Variants in GRID2 observed in about 807,000 individuals in gnomAD.
The protein encoded by GRID2 is glutamate receptor ionotropic, delta-2.
A neutral mutation model predicts 114.8 loss-of-function variants in GRID2; 33 were observed. The ratio of observed to expected loss-of-function variants is 0.29; its 90% confidence interval spans 0.22 to 0.38. GRID2 has a LOEUF of 0.38. Among genes scored for constraint, GRID2 ranks in the 10% least tolerant of loss-of-function variants. The pLI is 1.00. For missense variants in GRID2, 1,184 were observed against 1,257.7 expected, an observed-to-expected ratio of 0.94 and a Z score of 0.89; for synonymous variants, 505 against 449.9, an observed-to-expected ratio of 1.12 and a Z score of -1.55.
intron 2 of GRID2, among the ~76,000 whole-genome samples, chr4:92,982,500 C>A (rs944077043): frequency 1.3e-5 from 2 of 152,034 alleles, no homozygotes; most frequent in Non-Finnish European, 2.9e-5. Flanking sequence ...ATTCTTCACA[C>A]TTCCCATTTT....
intron 4 of GRID2, among the ~76,000 whole-genome samples, chr4:93,200,004 AT>A (rs546296031): frequency 6.6e-6 from 1 of 152,058 alleles, no homozygotes; most frequent in African/African-American, 2.4e-5. Context: ...TAATAATTGC[AT>A]TTTTTTGGTT....
At chr4:92,420,494 G>T (rs1731848687) in intron 1 of GRID2, among the ~76,000 whole-genome samples, 1 of 152,042 alleles carries the variant, frequency 6.6e-6, no homozygotes, top group Non-Finnish European at 1.5e-5. Context: ...ACATGCTTGT[G>T]TTATAAGACA....
At chr4:92,790,152 A>T (rs1200838910) in intron 2 of GRID2, among the ~76,000 whole-genome samples, 1 of 151,828 alleles carries the variant, frequency 6.6e-6, no homozygotes, top group Non-Finnish European at 1.5e-5. Context: ...ATAGTTATAC[A>T]TATAAGTATA....
intron 13 of GRID2, among the ~76,000 whole-genome samples, chr4:93,588,038 G>T (rs1294398725): frequency 6.6e-6 from 1 of 152,054 alleles, no homozygotes; most frequent in Non-Finnish European, 1.5e-5. Context: ...CAATGCAGTG[G>T]TCTTTCAATT....
At chr4:93,764,746 A>T (rs551676361) in intron 14 of GRID2, among the ~76,000 whole-genome samples, 62 of 152,304 alleles carry the variant, frequency 4.1e-4, no homozygotes, top group African/African-American at 1.5e-3. Flanking sequence ...AGCCCCACAA[A>T]GTCTATACTT....
intron 13 of GRID2, among the ~76,000 whole-genome samples, chr4:93,616,263 G>A (rs765984440): frequency 2.0e-5 from 3 of 152,008 alleles, no homozygotes; most frequent in Non-Finnish European, 2.9e-5. Flanking sequence ...ATAGACTAAG[G>A]CCGGGCACAG....
intron 1 of GRID2, among the ~76,000 whole-genome samples, chr4:92,410,835 ATTTT>A (rs5860274): frequency 3.4e-4 from 40 of 117,864 alleles, no homozygotes; most frequent in African/African-American, 1.3e-3. Context: ...CTGCAAAAGC[ATTTT>A]TTTTTTTTTT....
chr4:93,252,896 A>G (rs1749133917), intron 8 of GRID2, among the ~76,000 whole-genome samples: 2 of 152,088 alleles, frequency 1.3e-5, no homozygotes, highest in Non-Finnish European at 2.9e-5. Context: ...AAATATTCCA[A>G]TGTTAGATTA....
chr4:92,375,678 A>G (rs749811642), intron 1 of GRID2, among the ~76,000 whole-genome samples: 2 of 151,388 alleles, frequency 1.3e-5, no homozygotes, highest in African/African-American at 4.8e-5. Flanking sequence ...TGTTGGAAAT[A>G]TCACAAATTA....
chr4:93,095,300 G>A (rs1001449747), intron 3 of GRID2, among the ~76,000 whole-genome samples: 12 of 151,566 alleles, frequency 7.9e-5, no homozygotes, highest in Non-Finnish European at 1.0e-4. Flanking sequence ...GACAGGCCCC[G>A]GTTTATGATG....
At chr4:93,673,868 T>TA (rs1465801084) in intron 14 of GRID2, among the ~76,000 whole-genome samples, 14 of 152,168 alleles carry the variant, frequency 9.2e-5, no homozygotes, top group African/African-American at 2.7e-4. Flanking sequence ...CTTGGTTAGT[T>TA]ACATTGATTT....
At chr4:92,932,157 A>G (rs1750288380) in intron 2 of GRID2, among the ~76,000 whole-genome samples, 2 of 151,520 alleles carry the variant, frequency 1.3e-5, no homozygotes, top group Admixed American at 6.6e-5. Context: ...AGTAATCGAT[A>G]TTTAATAACT....
chr4:92,786,137 T>C (rs7671095), intron 2 of GRID2, among the ~76,000 whole-genome samples: 41,311 of 151,812 alleles, frequency 0.27, 6,653 homozygotes, highest in African/African-American at 0.44. Context: ...AATTCATGCT[T>C]TTCTTTTAAC....
chr4:92,682,689 C>T (rs1343839885), intron 2 of GRID2, among the ~76,000 whole-genome samples: 3 of 145,856 alleles, frequency 2.1e-5, no homozygotes, highest in Non-Finnish European at 3.0e-5. Context: ...AGGGCACACA[C>T]ACACACACAC....
intron 14 of GRID2, among the ~76,000 whole-genome samples, chr4:93,673,227 C>T (rs6852022): frequency 0.58 from 88,282 of 152,046 alleles, 27,525 homozygotes; most frequent in African/African-American, 0.83. Flanking sequence ...GAGACTACCC[C>T]TTTTATTCTT....
intron 2 of GRID2, among the ~76,000 whole-genome samples, chr4:92,624,141 A>G (rs1454731271): frequency 6.6e-6 from 1 of 151,886 alleles, no homozygotes; most frequent in Non-Finnish European, 1.5e-5. Context: ...CTTATTCTAC[A>G]TTCTTCATAT....
intron 3 of GRID2, among the ~76,000 whole-genome samples, chr4:93,093,214 C>T (rs1352201162): frequency 6.6e-6 from 1 of 151,982 alleles, no homozygotes. Context: ...ATAGGAATGT[C>T]AGGTCATTCA....
At chr4:93,661,235 GCA>G (rs539155807) in intron 14 of GRID2, among the ~76,000 whole-genome samples, 112 of 152,354 alleles carry the variant, frequency 7.4e-4, no homozygotes, top group African/African-American at 2.6e-3. Context: ...TTGCAGAAAT[GCA>G]CAGAGTGGTG....
At chr4:93,660,635 T>A (rs937831675) in intron 14 of GRID2, among the ~76,000 whole-genome samples, 1 of 152,174 alleles carries the variant, frequency 6.6e-6, no homozygotes, top group Non-Finnish European at 1.5e-5. Context: ...TTTAAAATTA[T>A]AAATATGTCA....
Sources: gnomAD v4.1 joint callset for allele counts (sites outside exome capture counted in the v4.1 genomes callset) on GRCh38, gnomAD v4.1.1 for gene constraint, MANE v1.5 for transcripts, NCBI Gene and HGNC (gene_info 2026-07-23, HGNC 2026-07-21) for gene names.